Variants in SPTLC3 observed in about 807,000 individuals in gnomAD.
SPTLC3 encodes the protein serine palmitoyltransferase 3.
In SPTLC3, 36 loss-of-function variants were observed where a neutral mutation model predicts 59.3. The observed-to-expected ratio is 0.61, with a 90% CI of 0.47 to 0.80. The LOEUF is 0.80. Ranked by LOEUF, SPTLC3 falls within the 30% of genes least tolerant of loss-of-function variation. The pLI is 0.00. For synonymous variants in SPTLC3, 257 were observed against 240.8 expected, an observed-to-expected ratio of 1.07 and a Z score of -0.62; for missense variants, 625 against 685.1, an observed-to-expected ratio of 0.91 and a Z score of 0.98.
chr20:13,087,737 A>C (rs939637667), intron 4 of SPTLC3, among the ~76,000 whole-genome samples: 1 of 152,230 alleles, frequency 6.6e-6, no homozygotes. Context: ...GGCATCTCAC[A>C]CACAGTATCT....
At chr20:13,117,439 T>C (rs1187530209) in intron 7 of SPTLC3, 67 bp from the exon 8 acceptor site, 2 of 1,417,408 alleles carry the variant, frequency 1.4e-6, no homozygotes, top group Non-Finnish European at 1.9e-6. Flanking sequence ...GATGTATTGA[T>C]GGGGAAACTG....
chr20:13,029,920 C>CT (rs1266987687), intron 1 of SPTLC3, among the ~76,000 whole-genome samples: 2 of 152,184 alleles, frequency 1.3e-5, no homozygotes, highest in Non-Finnish European at 2.9e-5. Context: ...AGAGAGCCTT[C>CT]TGCTTCTACA....
intron 7 of SPTLC3, among the ~76,000 whole-genome samples, chr20:13,111,704 G>A (rs1990242003): frequency 6.6e-6 from 1 of 152,156 alleles, no homozygotes; most frequent in African/African-American, 2.4e-5. Flanking sequence ...CTGTCATTCA[G>A]GCCTAGATTC....
At chr20:13,156,746 C>T (rs67718002) in intron 10 of SPTLC3, among the ~76,000 whole-genome samples, 17,100 of 152,048 alleles carry the variant, frequency 0.11, 1,080 homozygotes, top group East Asian at 0.2. Context: ...GTTGGCATGC[C>T]ATAAGCATTC....
At chr20:13,066,401 T>A (rs1988212465) in intron 2 of SPTLC3, among the ~76,000 whole-genome samples, 1 of 152,200 alleles carries the variant, frequency 6.6e-6, no homozygotes. Flanking sequence ...CTGGGCTCTC[T>A]ATTCTGTTCC....
At chr20:13,088,427 C>T (rs923810582) in intron 4 of SPTLC3, among the ~76,000 whole-genome samples, 3 of 152,030 alleles carry the variant, frequency 2.0e-5, no homozygotes, top group Non-Finnish European at 2.9e-5. Flanking sequence ...CTCCGCCTCC[C>T]GGGTTCACAT....
chr20:13,056,242 A>G (rs1196049782), intron 2 of SPTLC3, among the ~76,000 whole-genome samples: 4 of 152,176 alleles, frequency 2.6e-5, no homozygotes, highest in Admixed American at 6.5e-5. Flanking sequence ...TTTCCATCCT[A>G]TCTGATCTCT....
intron 8 of SPTLC3, among the ~76,000 whole-genome samples, chr20:13,119,159 C>T (rs1196094862): frequency 2.0e-5 from 3 of 152,188 alleles, no homozygotes; most frequent in Non-Finnish European, 2.9e-5. Context: ...GCTCTGTGAG[C>T]TTGTGGTTTT....
At chr20:13,155,627 C>T (rs977366007) in intron 10 of SPTLC3, among the ~76,000 whole-genome samples, 1 of 152,096 alleles carries the variant, frequency 6.6e-6, no homozygotes, top group Non-Finnish European at 1.5e-5. Context: ...GAGATCGAAA[C>T]CATCCTGGCC....
At chr20:13,116,680 A>G (rs1362664909) in intron 7 of SPTLC3, among the ~76,000 whole-genome samples, 2 of 152,156 alleles carry the variant, frequency 1.3e-5, no homozygotes, top group Non-Finnish European at 2.9e-5. Context: ...GCAACTTACA[A>G]TATCATGAAA....
chr20:13,151,367 C>A (rs941257008), intron 9 of SPTLC3, among the ~76,000 whole-genome samples: 12 of 152,108 alleles, frequency 7.9e-5, no homozygotes, highest in Admixed American at 7.9e-4. Context: ...TTGCTAACAC[C>A]CAAGTGGACT....
At chr20:13,065,829 T>C in intron 2 of SPTLC3, among the ~76,000 whole-genome samples, 1 of 92,802 alleles carries the variant, frequency 1.1e-5, no homozygotes, top group Admixed American at 1.1e-4. Flanking sequence ...ATATGATGCT[T>C]TGATATATAT....
chr20:13,032,983 T>A (rs1057085327), intron 1 of SPTLC3, among the ~76,000 whole-genome samples: 1 of 152,192 alleles, frequency 6.6e-6, no homozygotes, highest in Admixed American at 6.5e-5. Flanking sequence ...CTCTTTGACT[T>A]CTGGGGTCAG....
intron 11 of SPTLC3, 104 bp downstream of exon 11, chr20:13,160,236 A>T (rs1241261854): frequency 7.3e-7 from 1 of 1,375,516 alleles, no homozygotes; most frequent in Admixed American, 2.6e-5. Flanking sequence ...CTCTTGGGTT[A>T]TTTAGGAAAA....
intron 7 of SPTLC3, among the ~76,000 whole-genome samples, chr20:13,113,155 C>T (rs796933298): frequency 7.2e-5 from 11 of 152,212 alleles, no homozygotes; most frequent in African/African-American, 2.6e-4. Flanking sequence ...TGCACTCCAG[C>T]CTGGGAGACA....
chr20:13,052,154 C>T lies in SPTLC3; in HGVS notation c.303+3024C>T, dbSNP rs536240784. 1.7e-4 allele frequency among the ~76,000 whole-genome samples: 26 copies of T among 152,248 alleles called. No homozygotes were observed. The South Asian group carries it at 5.4e-3, about 32-fold the overall frequency. Reference sequence around the variant, plus strand: ...CAATGTAGAAGGCATTTGATTTCTGCATTTCCAACTGAGGTACGGGGCTCA... The same window carrying T: ...CAATGTAGAAGGCATTTGATTTCTGTATTTCCAACTGAGGTACGGGGCTCA... On this transcript the variant is annotated intron_variant, in intron 2 of 11. Coordinates refer to ENST00000399002, the MANE Select transcript of SPTLC3 (RefSeq NM_018327.4).
At chr20:13,036,891 T>A (rs1986759179) in intron 1 of SPTLC3, among the ~76,000 whole-genome samples, 1 of 152,164 alleles carries the variant, frequency 6.6e-6, no homozygotes, top group Non-Finnish European at 1.5e-5. Context: ...CTGCAAGTAA[T>A]GGAAGCCTCA....
chr20:13,126,513 G>A lies in SPTLC3; in HGVS notation c.1153-78G>A, dbSNP rs1007501119. On this transcript the variant is annotated intron_variant, in intron 8 of 11. Coordinates refer to ENST00000399002, the MANE Select transcript of SPTLC3 (RefSeq NM_018327.4). ...AAATGTCTTTTGCTATGAGGATAGG[G>A]ATGGGACTAGATGTAATTCCCACCA... 3.9e-6 allele frequency: 6 copies of A among 1,548,616 alleles called. No individual in the cohort carries two copies. The Admixed American group carries it at 5.4e-5, about 14-fold the overall frequency.
chr20:13,161,337 A>G (rs1447680792), intron 11 of SPTLC3, among the ~76,000 whole-genome samples: 1 of 152,206 alleles, frequency 6.6e-6, no homozygotes, highest in African/African-American at 2.4e-5. Flanking sequence ...CTATGTGTCC[A>G]TGGTCCACCT....
Sources: gnomAD v4.1 joint callset for allele counts (sites outside exome capture counted in the v4.1 genomes callset) on GRCh38, gnomAD v4.1.1 for gene constraint, MANE v1.5 for transcripts, NCBI Gene and HGNC (gene_info 2026-07-23, HGNC 2026-07-21) for gene names.